The following NELL2 variants were observed in gnomAD, a reference collection of about 807,000 sequenced individuals.
The protein encoded by NELL2 is neural EGFL like 2, also known as protein kinase C-binding protein NELL2.
In NELL2, 41 loss-of-function variants were observed where a neutral mutation model predicts 109.6. That is an observed-to-expected ratio of 0.37 (90% CI 0.29 to 0.49). NELL2 has a LOEUF of 0.49. Among genes scored for constraint, NELL2 ranks in the 20% least tolerant of loss-of-function variants. The pLI, the probability that NELL2 is intolerant of heterozygous loss-of-function variation, is 0.98. For missense variants in NELL2, 900 were observed against 1,008.3 expected (o/e 0.89, Z 1.45); for synonymous variants, 355 against 344.7 (o/e 1.03, Z -0.33).
chr12:44,654,638 A>G (rs1391314183), intron 13 of NELL2, among the ~76,000 whole-genome samples: 4 of 152,180 alleles, frequency 2.6e-5, no homozygotes, highest in Non-Finnish European at 5.9e-5. Flanking sequence ...TCAAGCAGTC[A>G]GTGTGGCTGT....
intron 10 of NELL2, among the ~76,000 whole-genome samples, chr12:44,712,469 T>C (rs1182530957): frequency 6.6e-6 from 1 of 151,990 alleles, no homozygotes; most frequent in Non-Finnish European, 1.5e-5. Context: ...TCTGTGTTAC[T>C]ATGAAAGTCA....
intron 12 of NELL2, among the ~76,000 whole-genome samples, chr12:44,680,769 CACAT>C (rs1948468631): frequency 6.6e-6 from 1 of 152,162 alleles, no homozygotes; most frequent in Admixed American, 6.5e-5. Flanking sequence ...TGTTCTCTCT[CACAT>C]TCATTTAACT....
At chr12:44,604,617 C>T (rs1163705427) in intron 15 of NELL2, among the ~76,000 whole-genome samples, 1 of 152,070 alleles carries the variant, frequency 6.6e-6, no homozygotes, top group Non-Finnish European at 1.5e-5. Flanking sequence ...TAAGATACAT[C>T]CTGTACCCTC....
chr12:44,605,557 T>C (rs897382365), intron 15 of NELL2, among the ~76,000 whole-genome samples: 1 of 152,152 alleles, frequency 6.6e-6, no homozygotes, highest in African/African-American at 2.4e-5. Context: ...GTCTTAAATA[T>C]TACATTGCCA....
intron 9 of NELL2, among the ~76,000 whole-genome samples, chr12:44,747,416 T>C (rs1263987197): frequency 6.6e-6 from 1 of 151,978 alleles, no homozygotes; most frequent in Admixed American, 6.6e-5. Context: ...AACCTGCACG[T>C]TGTGCACATG....
chr12:44,720,007 A>T (rs1228491651), intron 9 of NELL2, among the ~76,000 whole-genome samples: 2 of 147,126 alleles, frequency 1.4e-5, no homozygotes, highest in Non-Finnish European at 3.0e-5. Context: ...CCAATCAGCT[A>T]TGCTGCATTT....
intron 2 of NELL2, among the ~76,000 whole-genome samples, chr12:44,843,724 T>A (rs1337232837): frequency 1.3e-5 from 2 of 152,158 alleles, no homozygotes; most frequent in Non-Finnish European, 2.9e-5. Context: ...GCTTTCTGCT[T>A]CAAAGATGAA....
chr12:44,766,812 T>C (rs922472335), intron 9 of NELL2, among the ~76,000 whole-genome samples: 3 of 152,188 alleles, frequency 2.0e-5, no homozygotes, highest in Admixed American at 6.5e-5. Context: ...TTATTGCAGA[T>C]AGATTTGCAT....
At chr12:44,828,624 G>A (rs182179187) in intron 2 of NELL2, among the ~76,000 whole-genome samples, 2 of 152,138 alleles carry the variant, frequency 1.3e-5, no homozygotes, top group Admixed American at 1.3e-4. Context: ...GAAATAGCAG[G>A]TTCTATTCCC....
Position 44,876,088 on chromosome 12 carries a change from C to A in NELL2, c.-219G>T. On this transcript the variant is annotated 5_prime_UTR_variant, in exon 1 of 20. Coordinates refer to ENST00000429094, the MANE Select transcript of NELL2 (RefSeq NM_001145108.2). The stretch of plus-strand genomic sequence containing the variant: ...GACCCTCCAATGCGCACATCATTCC[C>A]ACACGCAGGGCCGAGGCGGCAGCGC... The A allele has an allele frequency of 7.2e-7, 1 of 1,382,042 alleles. No individual in the cohort carries two copies. The highest frequency in any genetic ancestry group is 9.3e-7 in the Non-Finnish European group (1 of 1,070,396). 85.6% of individuals were successfully genotyped at this position (1,382,042 alleles called of 1,614,324 possible).
intron 3 of NELL2, among the ~76,000 whole-genome samples, chr12:44,792,801 T>C (rs1281036110): frequency 6.6e-6 from 1 of 152,184 alleles, no homozygotes; most frequent in Non-Finnish European, 1.5e-5. Context: ...CAAGAGCTTT[T>C]TTAAAAGGCA....
At chr12:44,683,299 T>A (rs1292710792) in intron 12 of NELL2, among the ~76,000 whole-genome samples, 3 of 151,448 alleles carry the variant, frequency 2.0e-5, no homozygotes, top group African/African-American at 4.9e-5. Flanking sequence ...AAGTTGCTTA[T>A]CAGCTTAAGG....
At chr12:44,904,784 C>T (rs764537295) in intron 1 of NELL2, among the ~76,000 whole-genome samples, 1 of 151,912 alleles carries the variant, frequency 6.6e-6, no homozygotes, top group Non-Finnish European at 1.5e-5. Context: ...AAACTTCATG[C>T]TGTAAATATA....
chr12:44,586,131 T>C lies in NELL2; in HGVS notation c.1663+21038A>G, dbSNP rs114689491. On this transcript the variant is annotated intron_variant, in intron 15 of 19. Coordinates refer to ENST00000429094, the MANE Select transcript of NELL2 (RefSeq NM_001145108.2). ...TCTTGAGAAGATAGCATTCTGTATG[T>C]ATATGCAAATATATCACAATTTATT... Among the ~76,000 whole-genome samples, 753 of 150,974 alleles carry C rather than the reference T, an allele frequency of 5.0e-3. 12 individuals are homozygous for C. The highest frequency in any genetic ancestry group is 0.017 in the African/African-American group (704 of 41,294).
chr12:44,920,749 A>C (rs900627004), intron 1 of NELL2, among the ~76,000 whole-genome samples: 6 of 152,218 alleles, frequency 3.9e-5, no homozygotes, highest in African/African-American at 1.4e-4. Context: ...TTTAAATTGA[A>C]GATTAAAGTT....
intron 11 of NELL2, among the ~76,000 whole-genome samples, chr12:44,704,080 G>A (rs998833336): frequency 6.6e-6 from 1 of 151,770 alleles, no homozygotes; most frequent in Non-Finnish European, 1.5e-5. Flanking sequence ...TTTCTTTTGT[G>A]GTTTTTGACT....
intron 15 of NELL2, among the ~76,000 whole-genome samples, chr12:44,577,491 T>C (rs796510997): frequency 2.2e-3 from 303 of 137,320 alleles, no homozygotes; most frequent in African/African-American, 8.8e-3. Flanking sequence ...TTTTTTTTTT[T>C]TGAGATGGAG....
chr12:44,571,774 A>C (rs1943879908), intron 15 of NELL2, among the ~76,000 whole-genome samples: 1 of 152,228 alleles, frequency 6.6e-6, no homozygotes, highest in African/African-American at 2.4e-5. Flanking sequence ...CATGACGATA[A>C]GATAAATAAA....
chr12:44,572,310 T>TA (rs869183465), intron 15 of NELL2, among the ~76,000 whole-genome samples: 2 of 151,688 alleles, frequency 1.3e-5, no homozygotes, highest in Non-Finnish European at 2.9e-5. Context: ...CCCAGTTAAT[T>TA]AAAAAAAAAT....
Sources: allele counts gnomAD v4.1 joint callset (sites outside exome capture counted in the v4.1 genomes callset), GRCh38; gene constraint gnomAD v4.1.1; transcripts MANE v1.5; gene names NCBI Gene and HGNC (gene_info 2026-07-23, HGNC 2026-07-21).